The following TMEM184B variants were observed in gnomAD, a reference collection of about 807,000 sequenced individuals.
TMEM184B encodes the protein transmembrane protein 184B.
A neutral mutation model predicts 41.8 loss-of-function variants in TMEM184B; 17 were observed. That is an observed-to-expected ratio of 0.41 (90% CI 0.28 to 0.61). The LOEUF is 0.61. TMEM184B is among the 20% of genes least tolerant of loss of function. The probability of loss-of-function intolerance (pLI) is 0.34; values close to 1 mark genes in which losing one functional copy is unlikely to be tolerated. For synonymous variants in TMEM184B, 240 were observed against 229.5 expected (o/e 1.05, Z -0.41); for missense variants, 393 against 557.8 (o/e 0.70, Z 2.98).
At chr22:38,252,309 T>C (rs2092183496) in intron 1 of TMEM184B, among the ~76,000 whole-genome samples, 1 of 152,050 alleles carries the variant, frequency 6.6e-6, no homozygotes, top group Non-Finnish European at 1.5e-5. Flanking sequence ...GATCCTCCCA[T>C]CTTGGCCTCC....
chr22:38,242,489 G>T (rs2091934360), intron 3 of TMEM184B, among the ~76,000 whole-genome samples: 1 of 151,784 alleles, frequency 6.6e-6, no homozygotes, highest in Admixed American at 6.6e-5. Flanking sequence ...AAAAAAAAAA[G>T]AAAAAAAGCA....
At chr22:38,235,842 C>T (rs114779725) in intron 3 of TMEM184B, among the ~76,000 whole-genome samples, 4,263 of 152,308 alleles carry the variant, frequency 0.028, 187 homozygotes, top group African/African-American at 0.089. Context: ...GTAAGAAGAG[C>T]GGAGAAGCTG....
intron 1 of TMEM184B, among the ~76,000 whole-genome samples, chr22:38,266,393 C>A (rs1411919869): frequency 6.6e-6 from 1 of 152,252 alleles, no homozygotes; most frequent in African/African-American, 2.4e-5. Flanking sequence ...GTACGAATAG[C>A]GCCCCTTGCC....
chr22:38,217,655 AAAAC>A (rs369707387), downstream of TMEM184B, among the ~76,000 whole-genome samples: 223 of 151,680 alleles, frequency 1.5e-3, 2 homozygotes, highest in African/African-American at 4.4e-3. Flanking sequence ...AAAAAAAAGA[AAAAC>A]AAAACAAAAA....
chr22:38,235,863 G>A (rs1238850192), intron 3 of TMEM184B, among the ~76,000 whole-genome samples: 2 of 152,204 alleles, frequency 1.3e-5, no homozygotes, highest in Non-Finnish European at 1.5e-5. Context: ...AGACGGGGCT[G>A]GAGGGAGGTG....
downstream of TMEM184B, among the ~76,000 whole-genome samples, chr22:38,217,212 C>T (rs1189495147): frequency 7.3e-6 from 1 of 137,724 alleles, no homozygotes; most frequent in Non-Finnish European, 1.6e-5. Flanking sequence ...GGCCCGGGTG[C>T]GGTGGCTCAC....
In TMEM184B at chr22:38,225,011, G is replaced by A; in HGVS notation, c.788-32C>T. The A allele has an allele frequency of 6.6e-7, 1 of 1,511,842 alleles. No individual in the cohort carries two copies. The highest frequency in any genetic ancestry group is 2.1e-5 in the Admixed American group (1 of 48,042). 93.7% of individuals were successfully genotyped at this position (1,511,842 alleles called of 1,614,324 possible). On this transcript the variant is annotated intron_variant, in intron 7 of 8. Coordinates refer to ENST00000361906, the MANE Select transcript of TMEM184B (RefSeq NM_012264.5). The surrounding 1 kb of genome is among the most constrained non-coding windows in gnomAD (Gnocchi z 4.4). Reference sequence around the variant, plus strand: ...GGGGAGGCACGGGTGTCTGGACCCAGAATGATTCCTTTCCTGCTCCCCCTT... The same window carrying A: ...GGGGAGGCACGGGTGTCTGGACCCAAAATGATTCCTTTCCTGCTCCCCCTT...
intron 3 of TMEM184B, among the ~76,000 whole-genome samples, chr22:38,241,471 T>C (rs1215102397): frequency 6.7e-6 from 1 of 149,468 alleles, no homozygotes; most frequent in African/African-American, 2.5e-5. Flanking sequence ...AAGGATCATT[T>C]GAGCCCAGGA....
At chr22:38,268,402 G>A (rs991276173) in intron 1 of TMEM184B, among the ~76,000 whole-genome samples, 1 of 150,038 alleles carries the variant, frequency 6.7e-6, no homozygotes, top group Non-Finnish European at 1.5e-5. Context: ...AAAGAATTCT[G>A]GCAGACTCAG....
At chr22:38,223,263 C>T (rs2091314561) in intron 8 of TMEM184B, 1 of 152,336 alleles carries the variant, frequency 6.6e-6, no homozygotes, top group Non-Finnish European at 1.5e-5. Context: ...AGCCCCTCTG[C>T]TGAGCCCCAG....
At chr22:38,227,767 G>A (rs2091488027) in intron 5 of TMEM184B, among the ~76,000 whole-genome samples, 2 of 152,280 alleles carry the variant, frequency 1.3e-5, no homozygotes, top group East Asian at 1.9e-4. Context: ...GCCAGGAAGC[G>A]CAGCATCTTC....
chr22:38,226,730 C>T lies in TMEM184B; in HGVS notation c.617+49G>A. The T allele has an allele frequency of 1.9e-6, 3 of 1,539,650 alleles. No individual in the cohort carries two copies. Among genetic ancestry groups the T allele is most frequent in the Non-Finnish European group, 2.6e-6 (3 of 1,135,760 alleles). On this transcript the variant is annotated intron_variant, in intron 6 of 8. Coordinates refer to ENST00000361906, the MANE Select transcript of TMEM184B (RefSeq NM_012264.5). The surrounding 1 kb of genome is among the most constrained non-coding windows in gnomAD (Gnocchi z 4.6). ...CCCCTTCCCTGAGCCAAGGCACCAG[C>T]CTGCGCCAACACTCCTCCCACACAC...
Position 38,230,954 on chromosome 22 carries a change from T to C in TMEM184B, c.450-210A>G, listed in dbSNP as rs889176520. ...GAGGGACACAGGGCTGCACTGGCCC[T>C]GGGGTGACAAACCAACTTGGAGAGC... On this transcript the variant is annotated intron_variant, in intron 4 of 8. Transcript: ENST00000361906. 2.0e-5 allele frequency among the ~76,000 whole-genome samples: 3 copies of C among 152,130 alleles called. No individual in the cohort carries two copies. In the East Asian group the frequency reaches 5.8e-4, roughly 29 times the overall value.
intron 3 of TMEM184B, among the ~76,000 whole-genome samples, chr22:38,243,904 G>A (rs1167282148): frequency 6.6e-6 from 1 of 152,186 alleles, no homozygotes; most frequent in African/African-American, 2.4e-5. Flanking sequence ...ACGAAGCAAG[G>A]GAGCTGCAGA....
chr22:38,217,844 AAAAG>A (rs137876747), downstream of TMEM184B, among the ~76,000 whole-genome samples: 26,180 of 120,726 alleles, frequency 0.22, 3,070 homozygotes, highest in African/African-American at 0.29. Context: ...AAAAAAAAAA[AAAAG>A]AAAAGAAAAG....
chr22:38,243,048 CAAAAAAAA>C (rs11394732), intron 3 of TMEM184B, among the ~76,000 whole-genome samples: 1 of 84,534 alleles, frequency 1.2e-5, no homozygotes, highest in Non-Finnish European at 2.5e-5. Flanking sequence ...GCAACGGTCT[CAAAAAAAA>C]AAAAAAAAAA....
At chr22:38,232,426 T>G (rs1479179772) in intron 3 of TMEM184B, among the ~76,000 whole-genome samples, 1 of 151,952 alleles carries the variant, frequency 6.6e-6, no homozygotes, top group African/African-American at 2.4e-5. Context: ...GCCTGCAGGG[T>G]GCTAGAGGCA....
intron 1 of TMEM184B, among the ~76,000 whole-genome samples, chr22:38,253,182 C>T (rs891208624): frequency 9.2e-5 from 14 of 152,044 alleles, no homozygotes; most frequent in African/African-American, 3.1e-4. Context: ...TAATGGGAGC[C>T]GCGGTGGCTC....
At chr22:38,245,539 G>T (rs1336530171) in intron 3 of TMEM184B, among the ~76,000 whole-genome samples, 3 of 144,206 alleles carry the variant, frequency 2.1e-5, no homozygotes, top group South Asian at 2.2e-4. Flanking sequence ...CGAGACCCAG[G>T]GGGAGGGCCC....
Sources: allele counts gnomAD v4.1 joint callset (sites outside exome capture counted in the v4.1 genomes callset), GRCh38; gene constraint gnomAD v4.1.1; non-coding constraint Gnocchi (gnomAD v3.1); transcripts MANE v1.5; gene names NCBI Gene and HGNC (gene_info 2026-07-23, HGNC 2026-07-21).